RASL10A: variants seen among roughly 807,000 people sequenced by gnomAD.
RASL10A encodes the protein ras-like protein family member 10A.
Under a neutral mutation model 17.3 loss-of-function variants are expected in RASL10A, and 13 were observed. The ratio of observed to expected loss-of-function variants is 0.75; its 90% CI spans 0.49 to 1.20. The LOEUF is 1.20. Ranked by LOEUF, RASL10A falls within the 50% of genes most tolerant of loss-of-function variation. The pLI is 0.00. For synonymous variants in RASL10A, 159 were observed against 142.2 expected, an observed-to-expected ratio of 1.12 and a Z score of -0.84; for missense variants, 307 against 310.3, an observed-to-expected ratio of 0.99 and a Z score of 0.08.
At chr22:29,317,244 T>A (rs1054978585), upstream of RASL10A, 1 of 152,286 alleles carries the variant, frequency 6.6e-6, no homozygotes, top group Non-Finnish European at 1.5e-5. Flanking sequence ...GACTTCTGGG[T>A]TTTGTTGTTT....
upstream of RASL10A, among the ~76,000 whole-genome samples, chr22:29,318,965 T>C (rs2061465008): frequency 6.6e-6 from 1 of 152,052 alleles, no homozygotes; most frequent in Non-Finnish European, 1.5e-5. Context: ...TGAGGAGGCC[T>C]AGGGTAAGCA....
upstream of RASL10A, among the ~76,000 whole-genome samples, chr22:29,318,499 A>T (rs1487841227): frequency 6.6e-6 from 1 of 152,118 alleles, no homozygotes; most frequent in Non-Finnish European, 1.5e-5. Flanking sequence ...GTCGGGAGGG[A>T]CTTGGGGAGG....
Position 29,313,660 on chromosome 22 carries a change from C to T in RASL10A, c.345-92G>A, listed in dbSNP as rs975159429. ...CACACGCAGGCGCATTCCCTTCCTA[C>T]GGCCAGAGACACCGCCCCCCCCGCC... On this transcript the variant is annotated intron_variant, in intron 2 of 2. Coordinates refer to ENST00000216101, the MANE Select transcript of RASL10A (RefSeq NM_006477.5). 4.2e-6 allele frequency: 6 copies of T among 1,424,504 alleles called. No homozygotes were observed. In the South Asian group the frequency reaches 4.4e-5, roughly 10 times the overall value. 88.2% of individuals were successfully genotyped at this position (1,424,504 alleles called of 1,614,324 possible). A position where few individuals can be genotyped will look rare whatever the true frequency, so the allele number is the denominator to read the frequency against.
upstream of RASL10A, among the ~76,000 whole-genome samples, chr22:29,318,318 G>A (rs2061462560): frequency 6.6e-6 from 1 of 152,204 alleles, no homozygotes; most frequent in Non-Finnish European, 1.5e-5. Flanking sequence ...AGGCTCCCTG[G>A]GACGCCATGA....
upstream of RASL10A, among the ~76,000 whole-genome samples, chr22:29,315,987 C>T (rs576788958): frequency 1.3e-5 from 2 of 152,364 alleles, no homozygotes; most frequent in Admixed American, 6.5e-5. This position sits in a 1 kb window ranked among gnomAD's most constrained non-coding sequence, Gnocchi z 5.5. Flanking sequence ...CCCCGGCCCC[C>T]GGAGTCAGGC....
At position 29,313,227 on chromosome 22, in the gene RASL10A, C is replaced by G. The variant is rs577777139; in HGVS notation, c.*74G>C. ...CCTGTCCAGTCCCAGTGAAGTTGGGCGATCCCGTCCAATCCAGGTCCCTGA... is the reference window on the plus strand; with the variant it reads ...CCTGTCCAGTCCCAGTGAAGTTGGGGGATCCCGTCCAATCCAGGTCCCTGA... On this transcript the variant is annotated 3_prime_UTR_variant, in exon 3 of 3. Coordinates refer to ENST00000216101, the MANE Select transcript of RASL10A (RefSeq NM_006477.5). 1.7e-4 allele frequency: 241 copies of G among 1,422,770 alleles called. 1 individual carries two copies. In the South Asian group the frequency reaches 3.3e-3, roughly 20 times the overall value. The allele number at this position is 1,422,770 out of a possible 1,614,324, so 88.1% of individuals were successfully genotyped here.
At chr22:29,314,717 C>G (rs1467842292) in intron 1 of RASL10A, among the ~76,000 whole-genome samples, 1 of 152,150 alleles carries the variant, frequency 6.6e-6, no homozygotes, top group Non-Finnish European at 1.5e-5. Flanking sequence ...CAAAACGCCA[C>G]ACTCTCGGGA....
In RASL10A at chr22:29,313,535, C is replaced by G. The variant is rs2061433271; in HGVS notation, c.378G>C (p.Val126=). Residue 126 remains valine (V), a synonymous_variant, in exon 3 of 3, where the codon GTG becomes GTC. Transcript: ENST00000216101. ...PAGAPEAPIL[V]VGNKRDRQRL... ...GCTGCCTGTCCCGCTTGTTGCCTAC[C>G]ACGAGGATGGGCGCTTCGGGCGCGC... The G allele has an allele frequency of 6.4e-7, 1 of 1,562,314 alleles. No homozygotes were observed. The highest frequency in any genetic ancestry group is 1.4e-5 in the African/African-American group (1 of 73,624).
chr22:29,314,982 ACCCCTCACACTGTCACACG>A, intron 1 of RASL10A, 27 bp downstream of exon 1: 1 of 1,386,748 alleles, frequency 7.2e-7, no homozygotes, highest in South Asian at 1.5e-5. Context: ...GAGCACGCAC[ACCCCTCACACTGTCACACG>A]CCCCTGCCCG....
chr22:29,313,549 C>A lies in RASL10A; in HGVS notation c.364G>T (p.Ala122Ser). 6.5e-7 allele frequency: 1 copy of A among 1,537,626 alleles called. No individual in the cohort carries two copies. The highest frequency in any genetic ancestry group is 8.7e-7 in the Non-Finnish European group (1 of 1,153,748). ...TTGTTGCCTACCACGAGGATGGGCG[C>A]TTCGGGCGCGCCCGCCGGCCTGGGG... ...AETRPAGAPE[A>S]PILVVGNKRD... The change falls in exon 3 of 3, where the codon GCG becomes TCG. Residue 122 changes from alanine to serine, a missense_variant. By Grantham distance (99) the Ala-to-Ser change is moderately conservative. Transcript: ENST00000216101.
chr22:29,313,934 G>T lies in RASL10A; in HGVS notation c.273C>A (p.Leu91=). Residue 91 remains leucine, a synonymous_variant, in exon 2 of 3, where the codon CTC becomes CTA. Coordinates refer to ENST00000216101, the MANE Select transcript of RASL10A (RefSeq NM_006477.5). ...WSLQDTDAFV[L]VYDICSPDSF... ...TGTCCGGGCTGCAGATGTCGTAGAC[G>T]AGCACGAAGGCGTCCGTGTCCTGCA... is the stretch of plus-strand genomic sequence containing the variant. The T allele has an allele frequency of 1.2e-6, 2 of 1,613,928 alleles. No homozygotes were observed. Among genetic ancestry groups the T allele is most frequent in the Non-Finnish European group, 1.7e-6 (2 of 1,180,028 alleles).
intron 2 of RASL10A, 124 bp from the exon 3 acceptor site, chr22:29,313,692 A>G (rs2061435137): frequency 7.1e-7 from 1 of 1,414,276 alleles, no homozygotes; most frequent in East Asian, 2.4e-5. Flanking sequence ...CGCCGCCCCA[A>G]CGAAACCCCA....
upstream of RASL10A, among the ~76,000 whole-genome samples, chr22:29,315,927 C>T (rs2061451727): frequency 6.6e-6 from 1 of 152,228 alleles, no homozygotes; most frequent in African/African-American, 2.4e-5. The surrounding 1 kb of genome is among the most constrained non-coding windows in gnomAD (Gnocchi z 5.5). Flanking sequence ...CACCCACTGC[C>T]GCGGCCGCTC....
chr22:29,318,351 G>C (rs1231530103), upstream of RASL10A, among the ~76,000 whole-genome samples: 1 of 152,236 alleles, frequency 6.6e-6, no homozygotes, highest in Non-Finnish European at 1.5e-5. Flanking sequence ...TGCCTAGCAG[G>C]AAAATGGCAG....
upstream of RASL10A, among the ~76,000 whole-genome samples, chr22:29,318,025 C>G (rs958034848): frequency 6.6e-6 from 1 of 152,194 alleles, no homozygotes; most frequent in Non-Finnish European, 1.5e-5. Context: ...GCTAGGCGCA[C>G]TCCCGCCCAC....
At chr22:29,313,667 A>C in intron 2 of RASL10A, 99 bp from the exon 3 acceptor site, 1 of 1,421,458 alleles carries the variant, frequency 7.0e-7, no homozygotes, top group Non-Finnish European at 9.2e-7. Context: ...CTACGGCCAG[A>C]GACACCGCCC....
At chr22:29,314,743 C>T (rs1203140549) in intron 1 of RASL10A, among the ~76,000 whole-genome samples, 1 of 152,174 alleles carries the variant, frequency 6.6e-6, no homozygotes, top group Admixed American at 6.5e-5. Flanking sequence ...CCGTTATGCA[C>T]CACCAAGAGC....
At chr22:29,313,624 C>T in intron 2 of RASL10A, 56 bp from the exon 3 acceptor site, 3 of 1,477,618 alleles carry the variant, frequency 2.0e-6, no homozygotes, top group Non-Finnish European at 1.8e-6. Context: ...AGAATTCCCC[C>T]AGTGGGTATA....
At chr22:29,317,845 C>G (rs1482249999), upstream of RASL10A, among the ~76,000 whole-genome samples, 1 of 152,132 alleles carries the variant, frequency 6.6e-6, no homozygotes, top group Non-Finnish European at 1.5e-5. Flanking sequence ...CCACCATGCC[C>G]GGCTAATTTT....
Sources: gnomAD v4.1 joint callset for allele counts (sites outside exome capture counted in the v4.1 genomes callset) on GRCh38, gnomAD v4.1.1 for gene constraint, Gnocchi (gnomAD v3.1) non-coding constraint, MANE v1.5 for transcripts, NCBI Gene and HGNC (gene_info 2026-07-23, HGNC 2026-07-21) for gene names.